Variants in ILKAP observed in about 807,000 individuals in gnomAD.
ILKAP encodes integrin-linked kinase-associated serine/threonine phosphatase 2C.
In ILKAP, 11 loss-of-function variants were observed where a neutral mutation model predicts 49.1. That is an observed-to-expected ratio of 0.22 (90% CI 0.14 to 0.37). The LOEUF is 0.37. Among genes scored for constraint, ILKAP ranks in the 10% least tolerant of loss-of-function variants. The pLI is 1.00. For missense variants in ILKAP, 363 were observed against 510.8 expected (o/e 0.71, Z 2.79); for synonymous variants, 186 against 192.8 (o/e 0.96, Z 0.29).
intron 3 of ILKAP, among the ~76,000 whole-genome samples, chr2:238,190,248 GT>G (rs927336527): frequency 6.6e-6 from 1 of 151,808 alleles, no homozygotes; most frequent in African/African-American, 2.4e-5. Flanking sequence ...AAAATACATG[GT>G]TTTTTTTGGC....
chr2:238,170,626 G>A lies in ILKAP; in HGVS notation c.1089C>T (p.Tyr363=), dbSNP rs139362320. The change falls in exon 12 of 12, where the codon TAC becomes TAT. Residue 363 remains tyrosine (Y), a synonymous_variant. Coordinates refer to ENST00000254654, the MANE Select transcript of ILKAP (RefSeq NM_030768.3). ...REGKSAADAR[Y]EAACNRLANK... ...TGGCCAGCCTGTTGCAGGCTGCTTCGTAGCGGGCGTCGGCTGCGGACTTCC... is the reference window on the plus strand; with the variant it reads ...TGGCCAGCCTGTTGCAGGCTGCTTCATAGCGGGCGTCGGCTGCGGACTTCC... 9.7e-4 allele frequency: 1,559 copies of A among 1,604,062 alleles called. 10 individuals carry two copies. The highest frequency in any genetic ancestry group is 2.5e-4 in the Non-Finnish European group (297 of 1,172,040).
At chr2:238,184,743 T>TA (rs1330868128) in intron 6 of ILKAP, among the ~76,000 whole-genome samples, 2 of 146,962 alleles carry the variant, frequency 1.4e-5, no homozygotes, top group Non-Finnish European at 3.1e-5. Flanking sequence ...TTTTTTTTTT[T>TA]TATAGAGATA....
At chr2:238,201,587 C>T (rs1694570392) in intron 1 of ILKAP, among the ~76,000 whole-genome samples, 1 of 152,204 alleles carries the variant, frequency 6.6e-6, no homozygotes, top group South Asian at 2.1e-4. Context: ...ATGTACCTTT[C>T]CCACTGTATC....
rs1325799331 is a variant in ILKAP, at chr2:238,203,545, G to A, written c.9C>T (p.Leu3=). MD[L]FGDLPEPERS... is the part of the protein sequence containing the mutation. The stretch of plus-strand genomic sequence containing the variant: ...GCTCGGGCTCCGGCAGGTCCCCGAA[G>A]AGGTCCATGGCGGAGGCTGGGTGGA... Residue 3 remains leucine (L), a synonymous_variant, in exon 1 of 12, where the codon CTC becomes CTT. Transcript: ENST00000254654. The A allele has an allele frequency of 8.3e-7, 1 of 1,200,062 alleles. No homozygotes were observed. Among genetic ancestry groups the A allele is most frequent in the South Asian group, 2.6e-5 (1 of 39,086 alleles). The allele number at this position is 1,200,062 out of a possible 1,614,324, so 74.3% of individuals were successfully genotyped here. A position where few individuals can be genotyped will look rare whatever the true frequency, so the allele number is the denominator to read the frequency against.
chr2:238,187,834 C>G (rs957170836), intron 5 of ILKAP, among the ~76,000 whole-genome samples: 1 of 152,180 alleles, frequency 6.6e-6, no homozygotes, highest in Non-Finnish European at 1.5e-5. Flanking sequence ...ACATTCCAGG[C>G]TGAACAATTC....
chr2:238,185,141 A>C (rs764599545), intron 6 of ILKAP, 40 bp downstream of exon 6: 1 of 1,302,598 alleles, frequency 7.7e-7, no homozygotes, highest in East Asian at 2.3e-5. Flanking sequence ...AAACAGCAAT[A>C]ACCAATTTGA....
intron 1 of ILKAP, 43 bp from the exon 2 acceptor site, chr2:238,194,913 C>G (rs1056948624): frequency 1.3e-5 from 19 of 1,471,086 alleles, no homozygotes; most frequent in Non-Finnish European, 1.7e-5. Flanking sequence ...TGGTCATCAC[C>G]CAGGACAGAT....
At chr2:238,182,952 G>A (rs983272941) in intron 8 of ILKAP, among the ~76,000 whole-genome samples, 3 of 152,170 alleles carry the variant, frequency 2.0e-5, no homozygotes, top group Admixed American at 1.3e-4. Flanking sequence ...GTGGGGAGGG[G>A]TCTAAAGATG....
At chr2:238,185,057 C>A in intron 6 of ILKAP, 124 bp downstream of exon 6, 5 of 638,664 alleles carry the variant, frequency 7.8e-6, no homozygotes, top group Non-Finnish European at 1.4e-5. Flanking sequence ...TCCTCAGCAC[C>A]ACTCTTTTAA....
At chr2:238,173,108 GCCGGC>G (rs2106325484) in intron 10 of ILKAP, among the ~76,000 whole-genome samples, 1 of 152,286 alleles carries the variant, frequency 6.6e-6, no homozygotes, top group South Asian at 2.1e-4. Flanking sequence ...GGGGCTGAGG[GCCGGC>G]CCTTCAGGAT....
At chr2:238,182,281 A>T in intron 8 of ILKAP, 95 bp from the exon 9 acceptor site, 1 of 1,428,432 alleles carries the variant, frequency 7.0e-7, no homozygotes. Flanking sequence ...GAGTTTGAAG[A>T]AAACAGTTAA....
At chr2:238,173,725 T>G in intron 9 of ILKAP, 72 bp from the exon 10 acceptor site, 1 of 1,504,886 alleles carries the variant, frequency 6.6e-7, no homozygotes, top group Admixed American at 1.8e-5. Flanking sequence ...GAATCTCACC[T>G]TAAAAGCAGA....
intron 3 of ILKAP, among the ~76,000 whole-genome samples, chr2:238,193,777 A>G (rs753857881): frequency 3.3e-5 from 5 of 152,214 alleles, no homozygotes; most frequent in Non-Finnish European, 5.9e-5. Context: ...CACCTTCCCC[A>G]ACCAGAGGAG....
At position 238,172,701 on chromosome 2, in the gene ILKAP, G is replaced by A. The variant is rs373969239; in HGVS notation, c.956+833C>T. Among the ~76,000 whole-genome samples, 38 of 152,324 alleles carry A rather than the reference G, an allele frequency of 2.5e-4. 1 individual carries two copies. The highest frequency in any genetic ancestry group is 7.5e-4 in the African/African-American group (31 of 41,588). Reference sequence around the variant, plus strand: ...AGGCGAGTGCCAAAGCAAGGCACGCGCTCTTCATCCGCAGCACTGGGGCGG... The same window carrying A: ...AGGCGAGTGCCAAAGCAAGGCACGCACTCTTCATCCGCAGCACTGGGGCGG... On this transcript the variant is annotated intron_variant, in intron 10 of 11. Coordinates refer to ENST00000254654, the MANE Select transcript of ILKAP (RefSeq NM_030768.3).
intron 9 of ILKAP, among the ~76,000 whole-genome samples, chr2:238,181,011 G>GTT (rs1693670868): frequency 6.6e-6 from 1 of 152,212 alleles, no homozygotes; most frequent in Non-Finnish European, 1.5e-5. Flanking sequence ...CCTGAAACCA[G>GTT]GCCTATAATC....
At position 238,170,681 on chromosome 2, in the gene ILKAP, C is replaced by T. The variant is rs749418111; in HGVS notation, c.1039-5G>A. The T allele has an allele frequency of 8.2e-6, 13 of 1,594,290 alleles. No individual in the cohort carries two copies. The highest frequency in any genetic ancestry group is 9.4e-6 in the Non-Finnish European group (11 of 1,165,536). On this transcript the variant is annotated splice_polypyrimidine_tract_variant and splice_region_variant and intron_variant, in intron 11 of 11. Coordinates refer to ENST00000254654, the MANE Select transcript of ILKAP (RefSeq NM_030768.3). ...CCGGGTCTGGATCTTTTCATCCTAC[C>T]AGATGAGAAAGGGAATGAGTGAATG...
At chr2:238,173,676 T>A in intron 9 of ILKAP, 23 bp from the exon 10 acceptor site, 1 of 1,611,700 alleles carries the variant, frequency 6.2e-7, no homozygotes, top group East Asian at 2.2e-5. Context: ...GAAAAACATT[T>A]CAGACTCTAC....
chr2:238,172,097 G>T (rs1357611755), intron 10 of ILKAP, among the ~76,000 whole-genome samples: 2 of 152,120 alleles, frequency 1.3e-5, no homozygotes, highest in Non-Finnish European at 2.9e-5. Flanking sequence ...TTGTTGCCCA[G>T]GCTGGAGAGC....
Position 238,203,632 on chromosome 2 carries a change from G to C in ILKAP, c.-79C>G, listed in dbSNP as rs1391519101. ...CGGCCGGGCTCCACACCCCGGGCGG[G>C]CGGCAGCAGCGGGCGGGCGACGGGC... On this transcript the variant is annotated 5_prime_UTR_variant, in exon 1 of 12. Transcript: ENST00000254654. The C allele has an allele frequency of 7.1e-5, 63 of 890,484 alleles. No individual in the cohort carries two copies. Among genetic ancestry groups the C allele is most frequent in the Non-Finnish European group, 8.8e-5 (62 of 706,894 alleles). The allele number at this position is 890,484 out of a possible 1,614,324, so 55.2% of individuals were successfully genotyped here.
Sources: gnomAD v4.1 joint callset for allele counts (sites outside exome capture counted in the v4.1 genomes callset) on GRCh38, gnomAD v4.1.1 for gene constraint, MANE v1.5 for transcripts, NCBI Gene and HGNC (gene_info 2026-07-23, HGNC 2026-07-21) for gene names.